The following ARFGEF1 variants were observed in gnomAD, a reference collection of about 807,000 sequenced individuals.
ARFGEF1 encodes ARF guanine nucleotide exchange factor 1, also known as brefeldin A-inhibited guanine nucleotide-exchange protein 1.
A neutral mutation model predicts 231.0 loss-of-function variants in ARFGEF1; 42 were observed. That is an observed-to-expected ratio of 0.18 (90% CI 0.14 to 0.24). The LOEUF (loss-of-function observed/expected upper bound fraction) is 0.24. Among genes scored for constraint, ARFGEF1 ranks in the 10% least tolerant of loss-of-function variants. The probability of loss-of-function intolerance (pLI) is 1.00; values close to 1 mark genes in which losing one functional copy is unlikely to be tolerated. For synonymous variants in ARFGEF1, 710 were observed against 732.3 expected (o/e 0.97, Z 0.49); for missense variants, 1,345 against 2,192.0 (o/e 0.61, Z 7.72).
intron 13 of ARFGEF1, 64 bp downstream of exon 13, chr8:67,266,812 A>C: frequency 2.3e-6 from 3 of 1,308,370 alleles, no homozygotes; most frequent in Non-Finnish European, 3.2e-6. Flanking sequence ...AGCAGCTGCA[A>C]CTATCCTCCA....
Position 67,226,121 on chromosome 8 carries a change from A to G in ARFGEF1, c.3979T>C (p.Leu1327=), listed in dbSNP as rs755695946. 1.2e-6 allele frequency: 2 copies of G among 1,613,304 alleles called. No individual in the cohort carries two copies. Among genetic ancestry groups the G allele is most frequent in the South Asian group, 2.2e-5 (2 of 90,980 alleles). The change falls in exon 28 of 39, where the codon TTG becomes CTG. Residue 1327 remains leucine, a synonymous_variant. Transcript: ENST00000262215. ...GCTGCATTGCACGCAAATTCAGACAAACACTTCACTGCATCCTGGAAAGAA... is the reference window on the plus strand; with the variant it reads ...GCTGCATTGCACGCAAATTCAGACAGACACTTCACTGCATCCTGGAAAGAA... The part of the protein sequence containing the change: ...IDSFQDAVKC[L]SEFACNAAFP...
intron 19 of ARFGEF1, among the ~76,000 whole-genome samples, chr8:67,246,996 G>C (rs1355073306): frequency 6.7e-6 from 1 of 149,938 alleles, no homozygotes; most frequent in East Asian, 1.9e-4. Flanking sequence ...AAAATCTAAA[G>C]GAAATGGATA....
Position 67,240,147 on chromosome 8 carries a change from A to T in ARFGEF1, c.2979+15T>A. 2 of 1,606,208 alleles carry T rather than the reference A, an allele frequency of 1.2e-6. No individual in the cohort carries two copies. Among genetic ancestry groups the T allele is most frequent in the South Asian group, 2.3e-5 (2 of 88,748 alleles). Reference sequence around the variant, plus strand: ...AATGTTCCAAACTGGCTACAAAGACAAAATTCTCTGTTACCTGAATGCTGA... The same window carrying T: ...AATGTTCCAAACTGGCTACAAAGACTAAATTCTCTGTTACCTGAATGCTGA... On this transcript the variant is annotated intron_variant, in intron 20 of 38. Transcript: ENST00000262215.
At chr8:67,291,260 T>C (rs1392619042) in intron 6 of ARFGEF1, among the ~76,000 whole-genome samples, 1 of 152,208 alleles carries the variant, frequency 6.6e-6, no homozygotes, top group East Asian at 1.9e-4. Context: ...GTAAAATAAA[T>C]ATAATTTTTA....
Position 67,203,164 on chromosome 8 carries a change from G to A in ARFGEF1, c.5047C>T (p.Leu1683=), listed in dbSNP as rs1401945187. 1.2e-6 allele frequency: 2 copies of A among 1,614,184 alleles called. No homozygotes were observed. The highest frequency in any genetic ancestry group is 1.3e-5 in the African/African-American group (1 of 75,052). The part of the protein sequence containing the change: ...FLTSQQLFKL[L]DCLLESHRFA... Reference sequence around the variant, plus strand: ...CTATGTGACTCTAATAAGCAGTCCAGTAGCTTAAAAAGTTGTTGTGATGTT... The same window carrying A: ...CTATGTGACTCTAATAAGCAGTCCAATAGCTTAAAAAGTTGTTGTGATGTT... The change falls in exon 36 of 39, where the codon CTG becomes TTG. Residue 1683 remains leucine (L), a synonymous_variant. Coordinates refer to ENST00000262215, the MANE Select transcript of ARFGEF1 (RefSeq NM_006421.5).
chr8:67,336,045 G>A (rs561057861), intron 1 of ARFGEF1, among the ~76,000 whole-genome samples: 9 of 152,300 alleles, frequency 5.9e-5, no homozygotes, highest in South Asian at 2.1e-4. Context: ...CACCGCGCCC[G>A]GCCATTTTAA....
Position 67,211,616 on chromosome 8 carries a change from C to A in ARFGEF1, c.4687-1G>T. On this transcript the variant is annotated splice_acceptor_variant, in intron 33 of 38. Coordinates refer to ENST00000262215, the MANE Select transcript of ARFGEF1 (RefSeq NM_006421.5). LOFTEE classifies it high-confidence loss of function. The stretch of plus-strand genomic sequence containing the variant: ...CTACAGACTTCTGTGATATTGTATC[C>A]TAATAAATAAAAAAAAAATCACTGT... 4 of 1,436,690 alleles carry A rather than the reference C, an allele frequency of 2.8e-6. No individual in the cohort carries two copies. Among genetic ancestry groups the A allele is most frequent in the East Asian group, 2.5e-5 (1 of 40,404 alleles). 89.0% of individuals were successfully genotyped at this position (1,436,690 alleles called of 1,614,324 possible).
chr8:67,210,682 G>T (rs1296606964), intron 34 of ARFGEF1, among the ~76,000 whole-genome samples: 1 of 152,124 alleles, frequency 6.6e-6, no homozygotes, highest in African/African-American at 2.4e-5. Context: ...GACATTTCAG[G>T]ATCAGCAGAG....
At chr8:67,320,521 A>T (rs1431728169) in intron 1 of ARFGEF1, among the ~76,000 whole-genome samples, 1 of 152,172 alleles carries the variant, frequency 6.6e-6, no homozygotes, top group Non-Finnish European at 1.5e-5. Context: ...CCCTAGACAA[A>T]CATGAAAACT....
intron 5 of ARFGEF1, among the ~76,000 whole-genome samples, chr8:67,189,289 C>T (rs1835535165): frequency 6.6e-6 from 1 of 152,174 alleles, no homozygotes; most frequent in African/African-American, 2.4e-5. Context: ...GAGCTGAAAA[C>T]TTGTCCATAA....
chr8:67,289,914 A>G (rs1346068820), intron 6 of ARFGEF1, among the ~76,000 whole-genome samples: 1 of 152,174 alleles, frequency 6.6e-6, no homozygotes, highest in Non-Finnish European at 1.5e-5. Flanking sequence ...ATACATAACC[A>G]CTATCTAAAA....
At chr8:67,218,250 A>G (rs1345201400) in intron 30 of ARFGEF1, 112 bp from the exon 31 acceptor site, 1 of 223,838 alleles carries the variant, frequency 4.5e-6, no homozygotes, top group African/African-American at 2.5e-5. Context: ...TTTCATATTA[A>G]AAATGGAAGG....
chr8:67,342,203 A>C (rs994387445), intron 1 of ARFGEF1, among the ~76,000 whole-genome samples: 2 of 152,184 alleles, frequency 1.3e-5, no homozygotes, highest in Non-Finnish European at 2.9e-5. Flanking sequence ...CTTTGTGTTA[A>C]ATGTTCTGGT....
chr8:67,326,831 G>T (rs573699223), intron 1 of ARFGEF1, among the ~76,000 whole-genome samples: 1 of 152,262 alleles, frequency 6.6e-6, no homozygotes, highest in East Asian at 1.9e-4. Flanking sequence ...CTATATCAAT[G>T]ACATTAAGTC....
At chr8:67,180,330 A>G (rs1247382918) in intron 5 of ARFGEF1, among the ~76,000 whole-genome samples, 1 of 152,240 alleles carries the variant, frequency 6.6e-6, no homozygotes, top group Non-Finnish European at 1.5e-5. Flanking sequence ...AAAAAAGACA[A>G]TCCCAATAAG....
At chr8:67,328,215 C>T (rs1251550942) in intron 1 of ARFGEF1, among the ~76,000 whole-genome samples, 1 of 152,044 alleles carries the variant, frequency 6.6e-6, no homozygotes, top group Non-Finnish European at 1.5e-5. Flanking sequence ...TAGGCTGAAA[C>T]TGTTATAATT....
downstream of ARFGEF1, among the ~76,000 whole-genome samples, chr8:67,197,120 T>G (rs1838056617): frequency 6.6e-6 from 1 of 152,198 alleles, no homozygotes; most frequent in South Asian, 2.1e-4. Context: ...TAGTGTAGCC[T>G]GATGCTAGGT....
chr8:67,238,990 T>TG, intron 20 of ARFGEF1, 97 bp from the exon 21 acceptor site: 5 of 969,212 alleles, frequency 5.2e-6, no homozygotes, highest in Admixed American at 3.2e-5. Flanking sequence ...AGTAAGATTT[T>TG]GTTTTTTTTT....
intron 1 of ARFGEF1, among the ~76,000 whole-genome samples, chr8:67,305,275 C>T (rs16933255): frequency 0.016 from 2,463 of 152,114 alleles, 70 homozygotes; most frequent in African/African-American, 0.057. Flanking sequence ...AGTGGAAGAA[C>T]AGTTTTTACA....
Sources: gnomAD v4.1 joint callset for allele counts (sites outside exome capture counted in the v4.1 genomes callset) on GRCh38, gnomAD v4.1.1 for gene constraint, MANE v1.5 for transcripts, NCBI Gene and HGNC (gene_info 2026-07-23, HGNC 2026-07-21) for gene names.